NLRC5: variants seen among roughly 807,000 people sequenced by gnomAD.
NLRC5 encodes NLR family CARD domain containing 5, also known as protein NLRC5.
NLRC5 carries 114 observed loss-of-function variants against 206.9 expected under a neutral mutation model. The ratio of observed to expected loss-of-function variants is 0.55; its 90% CI spans 0.47 to 0.64. The LOEUF is 0.64. Among genes scored for constraint, NLRC5 ranks in the 30% least tolerant of loss-of-function variants. NLRC5 has a pLI of 0.00. For missense variants in NLRC5, 2,008 were observed against 2,305.5 expected (o/e 0.87, Z 2.64); for synonymous variants, 952 against 962.8 (o/e 0.99, Z 0.21).
At chr16:57,047,690 G>A in intron 23 of NLRC5, 62 bp downstream of exon 23, 3 of 1,412,580 alleles carry the variant, frequency 2.1e-6, no homozygotes, top group South Asian at 1.2e-5. Flanking sequence ...TGACCTGGGA[G>A]GGGGCTTCTT....
chr16:57,012,223 T>G (rs1192761791), intron 1 of NLRC5, among the ~76,000 whole-genome samples: 1 of 152,232 alleles, frequency 6.6e-6, no homozygotes, highest in Non-Finnish European at 1.5e-5. Context: ...TTCCATTGTA[T>G]AGATATGTCA....
At chr16:57,049,925 T>C (rs2064625980) in intron 23 of NLRC5, among the ~76,000 whole-genome samples, 1 of 151,882 alleles carries the variant, frequency 6.6e-6, no homozygotes, top group Non-Finnish European at 1.5e-5. Context: ...CTATAAATAG[T>C]CATCAAGGTA....
intron 1 of NLRC5, among the ~76,000 whole-genome samples, chr16:57,008,594 T>C (rs1319557832): frequency 6.6e-6 from 1 of 152,348 alleles, no homozygotes; most frequent in East Asian, 1.9e-4. Context: ...TTGTACAGTG[T>C]AATGCACAAA....
chr16:57,015,190 A>G lies in NLRC5; in HGVS notation c.-127-1884A>G, dbSNP rs528920010. ...GTGATCTACCTACCTTGGCCTCCCA[A>G]AGTGCTGGGATTACAGGCGTGAACC... On this transcript the variant is annotated intron_variant, in intron 1 of 48. Coordinates refer to ENST00000688547, the MANE Select transcript of NLRC5 (RefSeq NM_001384950.1). Among the ~76,000 whole-genome samples, 75 of 152,166 alleles carry G rather than the reference A, an allele frequency of 4.9e-4. 1 individual carries two copies. Among genetic ancestry groups the G allele is most frequent in the African/African-American group, 1.8e-3 (73 of 41,504 alleles).
Position 57,067,723 on chromosome 16 carries a change from T to C in NLRC5, c.4407-13T>C, listed in dbSNP as rs762483594. The C allele has an allele frequency of 2.5e-6, 4 of 1,612,612 alleles. No individual in the cohort carries two copies. The highest frequency in any genetic ancestry group is 1.7e-6 in the Non-Finnish European group (2 of 1,178,562). On this transcript the variant is annotated splice_polypyrimidine_tract_variant and intron_variant, in intron 35 of 48. Transcript: ENST00000688547. ...AGCCTGAAATCCTCTAGAATATCCT[T>C]GGACCTTTTCAGCTTGTCTCAGGTT...
intron 1 of NLRC5, among the ~76,000 whole-genome samples, chr16:56,996,466 G>A (rs2057622393): frequency 6.6e-6 from 1 of 152,190 alleles, no homozygotes; most frequent in Non-Finnish European, 1.5e-5. Flanking sequence ...GATTACAGGT[G>A]TGAGCCTCCA....
chr16:57,004,255 A>G (rs995472936), intron 1 of NLRC5, among the ~76,000 whole-genome samples: 1 of 152,058 alleles, frequency 6.6e-6, no homozygotes, highest in African/African-American at 2.4e-5. Flanking sequence ...ATGAAAGGGC[A>G]TTTGTTTATT....
At position 57,034,253 on chromosome 16, in the gene NLRC5, T is replaced by G; in HGVS notation, c.2627+2T>G. The G allele has an allele frequency of 6.2e-7, 1 of 1,610,870 alleles. No homozygotes were observed. Among genetic ancestry groups the G allele is most frequent in the East Asian group, 2.2e-5 (1 of 44,722 alleles). On this transcript the variant is annotated splice_donor_variant, in intron 13 of 48. Transcript: ENST00000688547. LOFTEE classifies it high-confidence loss of function. ...AGGCCCTCACCTGGAGGAAGTGGAG[T>G]GAGTATCACGGGAAGCCCTGGCGTA...
intron 23 of NLRC5, 188 bp downstream of exon 23, chr16:57,047,816 C>A: frequency 1.6e-6 from 1 of 609,432 alleles, no homozygotes; most frequent in South Asian, 1.9e-5. Flanking sequence ...CCTTAGGCAG[C>A]GCATGTCTCC....
chr16:57,027,133 C>A, intron 6 of NLRC5, 115 bp downstream of exon 6: 2 of 1,254,558 alleles, frequency 1.6e-6, no homozygotes, highest in African/African-American at 1.5e-5. Flanking sequence ...AATATCAGAA[C>A]ATAATGGCCT....
At position 57,055,044 on chromosome 16, in the gene NLRC5, T is replaced by C. The variant is rs751192786; in HGVS notation, c.3609T>C (p.His1203=). The change falls in exon 26 of 49, where the codon CAT becomes CAC. Residue 1203 remains histidine, a synonymous_variant. Transcript: ENST00000688547. ...CTGTCTGATCCAGGTCCCTGCACCA[T>C]GCAACTTTGCACTTCAGATCCAACG... is the stretch of plus-strand genomic sequence containing the variant. The part of the protein sequence containing the change: ...VKKVDLRSLH[H]ATLHFRSNEE... 2 of 1,614,106 alleles carry C rather than the reference T, an allele frequency of 1.2e-6. No homozygotes were observed. Among genetic ancestry groups the C allele is most frequent in the Non-Finnish European group, 1.7e-6 (2 of 1,180,050 alleles).
At chr16:57,007,419 T>G (rs2059034517) in intron 1 of NLRC5, among the ~76,000 whole-genome samples, 1 of 152,196 alleles carries the variant, frequency 6.6e-6, no homozygotes, top group African/African-American at 2.4e-5. Context: ...GAACATCTTT[T>G]CATATATTTA....
chr16:57,034,456 G>A lies in NLRC5; in HGVS notation c.2627+205G>A, dbSNP rs554749408. ...TGCTAGGGACTGTACATGCCTCCTCGCATTCACTCCTCACATCTCTGTGAT... is the reference window on the plus strand; with the variant it reads ...TGCTAGGGACTGTACATGCCTCCTCACATTCACTCCTCACATCTCTGTGAT... On this transcript the variant is annotated intron_variant, in intron 13 of 48. Transcript: ENST00000688547. The A allele has an allele frequency of 3.1e-4, 176 of 561,148 alleles. 2 individuals are homozygous for A. The South Asian group carries it at 3.9e-3, about 12-fold the overall frequency. The allele number at this position is 561,148 out of a possible 1,614,324, so 34.8% of individuals were successfully genotyped here. A position where few individuals can be genotyped will look rare whatever the true frequency, so the allele number is the denominator to read the frequency against.
chr16:57,063,265 A>T (rs1471834706), intron 32 of NLRC5, among the ~76,000 whole-genome samples: 1 of 151,734 alleles, frequency 6.6e-6, no homozygotes, highest in Non-Finnish European at 1.5e-5. Context: ...GGCGCCCGCC[A>T]CCACACCCAG....
chr16:56,993,257 C>G (rs1289500472), intron 1 of NLRC5, among the ~76,000 whole-genome samples: 1 of 149,050 alleles, frequency 6.7e-6, no homozygotes, highest in African/African-American at 2.5e-5. Flanking sequence ...TTTTTTTAAA[C>G]TTAGTGCAAT....
At chr16:57,040,832 C>A in intron 17 of NLRC5, 114 bp downstream of exon 17, 1 of 977,704 alleles carries the variant, frequency 1.0e-6, no homozygotes, top group Non-Finnish European at 1.6e-6. Context: ...GGACACCTGA[C>A]CTGCTGTGTC....
Position 57,067,839 on chromosome 16 carries a change from A to G in NLRC5, c.4499+11A>G, listed in dbSNP as rs540526041. The G allele has an allele frequency of 6.8e-6, 11 of 1,606,984 alleles. No homozygotes were observed. The highest frequency in any genetic ancestry group is 5.0e-5 in the Admixed American group (3 of 60,018). ...GCTGAAGACATTTCGGTATGTAGACAAGACATTCACTCAGTCCCCTTTGCA... is the reference window on the plus strand; with the variant it reads ...GCTGAAGACATTTCGGTATGTAGACGAGACATTCACTCAGTCCCCTTTGCA... On this transcript the variant is annotated intron_variant, in intron 36 of 48. Coordinates refer to ENST00000688547, the MANE Select transcript of NLRC5 (RefSeq NM_001384950.1).
intron 1 of NLRC5, among the ~76,000 whole-genome samples, chr16:56,991,681 T>C (rs1305653209): frequency 1.8e-5 from 2 of 112,098 alleles, no homozygotes; most frequent in African/African-American, 7.3e-5. Context: ...CGGACTCCTT[T>C]TTTTTTTTTT....
chr16:56,997,174 C>A (rs2057715747), intron 1 of NLRC5, among the ~76,000 whole-genome samples: 1 of 152,050 alleles, frequency 6.6e-6, no homozygotes, highest in African/African-American at 2.4e-5. Flanking sequence ...GCCCGGCCAG[C>A]ATAGATTTTA....
Sources: allele counts gnomAD v4.1 joint callset (sites outside exome capture counted in the v4.1 genomes callset), GRCh38; gene constraint gnomAD v4.1.1; transcripts MANE v1.5; gene names NCBI Gene and HGNC (gene_info 2026-07-23, HGNC 2026-07-21).